The following SGCG variants were observed in gnomAD, a reference collection of about 807,000 sequenced individuals.
SGCG encodes the protein gamma-sarcoglycan.
In SGCG, 26 loss-of-function variants were observed where a neutral mutation model predicts 29.3. That is an observed-to-expected ratio of 0.89 (90% CI 0.65 to 1.23). SGCG has a LOEUF of 1.23. Among genes scored for constraint, SGCG ranks in the 50% most tolerant of loss-of-function variants. SGCG has a pLI of 0.00. For synonymous variants in SGCG, 145 were observed against 129.7 expected (o/e 1.12, Z -0.80); for missense variants, 353 against 356.0 (o/e 0.99, Z 0.07).
chr13:23,293,675 A>G (rs1881799934), intron 5 of SGCG, among the ~76,000 whole-genome samples: 1 of 152,110 alleles, frequency 6.6e-6, no homozygotes, highest in African/African-American at 2.4e-5. Flanking sequence ...TACTAAAAAT[A>G]CAAAATATTA....
intron 5 of SGCG, among the ~76,000 whole-genome samples, chr13:23,288,168 C>T (rs1881572065): frequency 6.6e-6 from 1 of 152,178 alleles, no homozygotes; most frequent in South Asian, 2.1e-4. Flanking sequence ...TCCAGGTAGC[C>T]TTTGGAGTTT....
At chr13:23,261,181 C>T (rs12856566) in intron 4 of SGCG, among the ~76,000 whole-genome samples, 12,847 of 151,940 alleles carry the variant, frequency 0.085, 702 homozygotes, top group South Asian at 0.15. Context: ...ACCAATCAAA[C>T]GTAGATTTGA....
At chr13:23,204,944 A>T (rs1211273452) in intron 2 of SGCG, among the ~76,000 whole-genome samples, 1 of 152,024 alleles carries the variant, frequency 6.6e-6, no homozygotes, top group Non-Finnish European at 1.5e-5. Flanking sequence ...GACATCATAA[A>T]TAAATATTTA....
At chr13:23,226,904 A>T (rs1878919567) in intron 2 of SGCG, among the ~76,000 whole-genome samples, 1 of 152,180 alleles carries the variant, frequency 6.6e-6, no homozygotes, top group Non-Finnish European at 1.5e-5. Context: ...CAATTTGAGG[A>T]TATTTTTCCT....
chr13:23,269,539 C>T (rs2137600235), intron 4 of SGCG, among the ~76,000 whole-genome samples: 1 of 152,280 alleles, frequency 6.6e-6, no homozygotes, highest in East Asian at 1.9e-4. Flanking sequence ...ATCCATCCTC[C>T]ATTTCATTTG....
At chr13:23,306,750 C>G (rs1882374643) in intron 6 of SGCG, among the ~76,000 whole-genome samples, 1 of 151,948 alleles carries the variant, frequency 6.6e-6, no homozygotes, top group Non-Finnish European at 1.5e-5. Flanking sequence ...TTAATTCTAG[C>G]AATTCCAAGA....
chr13:23,321,590 C>CA (rs1883044177), intron 7 of SGCG, among the ~76,000 whole-genome samples: 1 of 152,170 alleles, frequency 6.6e-6, no homozygotes, highest in East Asian at 1.9e-4. Context: ...CTCAGTGACT[C>CA]ACGGGCTGGG....
intron 5 of SGCG, among the ~76,000 whole-genome samples, chr13:23,292,425 A>G (rs1483596212): frequency 6.6e-6 from 1 of 152,232 alleles, no homozygotes; most frequent in Non-Finnish European, 1.5e-5. Context: ...TCTCTTTCTA[A>G]TAAAACTCCC....
chr13:23,223,143 T>C (rs146938819), intron 2 of SGCG, among the ~76,000 whole-genome samples: 2,343 of 152,064 alleles, frequency 0.015, 30 homozygotes, highest in Middle Eastern at 0.027. Flanking sequence ...CGGGGTGTGG[T>C]GGCGGGCGCC....
At chr13:23,197,898 C>A (rs961045895) in intron 1 of SGCG, among the ~76,000 whole-genome samples, 36 of 148,392 alleles carry the variant, frequency 2.4e-4, no homozygotes, top group African/African-American at 9.5e-4. Context: ...GAAATGAAAT[C>A]ATTCTGAATC....
intron 7 of SGCG, among the ~76,000 whole-genome samples, chr13:23,323,184 T>C (rs1332234510): frequency 2.0e-5 from 3 of 152,256 alleles, no homozygotes. Flanking sequence ...TCATAACCTA[T>C]GAAGTTGTGA....
At chr13:23,196,584 G>T (rs9552875) in intron 1 of SGCG, among the ~76,000 whole-genome samples, 3 of 151,600 alleles carry the variant, frequency 2.0e-5, no homozygotes, top group Non-Finnish European at 2.9e-5. Flanking sequence ...TTTCTTTGAT[G>T]TATACGTGTA....
At chr13:23,212,971 T>C (rs555277888) in intron 2 of SGCG, among the ~76,000 whole-genome samples, 2 of 152,280 alleles carry the variant, frequency 1.3e-5, no homozygotes, top group Admixed American at 6.5e-5. Context: ...TGATGTGATA[T>C]AGATAGAGGC....
the SGCG span, among the ~76,000 whole-genome samples, chr13:23,160,614 G>C: frequency 2.0e-5 from 3 of 152,130 alleles, no homozygotes; most frequent in Non-Finnish European, 4.4e-5. Context: ...TGCAGCGGCT[G>C]TTTGCGCCCC....
At chr13:23,229,599 G>C (rs982359795) in intron 2 of SGCG, among the ~76,000 whole-genome samples, 2 of 152,138 alleles carry the variant, frequency 1.3e-5, no homozygotes, top group Admixed American at 6.5e-5. Context: ...CTTTTGAAAA[G>C]TGTTCATGTC....
chr13:23,300,245 T>G (rs1882100908), intron 6 of SGCG, among the ~76,000 whole-genome samples: 2 of 152,334 alleles, frequency 1.3e-5, no homozygotes, highest in South Asian at 2.1e-4. Context: ...GTTTACCTAG[T>G]AAGTGTTTAT....
intron 2 of SGCG, among the ~76,000 whole-genome samples, chr13:23,218,586 G>T (rs1279676825): frequency 6.6e-6 from 1 of 152,124 alleles, no homozygotes; most frequent in Non-Finnish European, 1.5e-5. Flanking sequence ...TTGGGAAAGG[G>T]TAGTAAACTC....
At chr13:23,301,609 C>T (rs907316616) in intron 6 of SGCG, among the ~76,000 whole-genome samples, 40 of 151,952 alleles carry the variant, frequency 2.6e-4, no homozygotes, top group African/African-American at 7.7e-4. Flanking sequence ...CAATGGGGTC[C>T]GGCGCGGTGG....
chr13:23,272,256 CT>C (rs1174972408), intron 4 of SGCG, among the ~76,000 whole-genome samples: 1 of 152,092 alleles, frequency 6.6e-6, no homozygotes, highest in Non-Finnish European at 1.5e-5. Flanking sequence ...TGCTTCTAGT[CT>C]TTCTGTATTA....
Sources: allele counts gnomAD v4.1 joint callset (sites outside exome capture counted in the v4.1 genomes callset), GRCh38; gene constraint gnomAD v4.1.1; transcripts MANE v1.5; gene names NCBI Gene and HGNC (gene_info 2026-07-23, HGNC 2026-07-21).